The following FMN1 variants were observed in gnomAD, a reference collection of about 807,000 sequenced individuals.
The protein encoded by FMN1 is formin-1.
A neutral mutation model predicts 132.4 loss-of-function variants in FMN1; 110 were observed. That is an observed-to-expected ratio of 0.83 (90% CI 0.71 to 0.97). FMN1 has a LOEUF of 0.97. Ranked by LOEUF, FMN1 falls within the 50% of genes least tolerant of loss-of-function variation. FMN1 has a pLI of 0.00. For synonymous variants in FMN1, 722 were observed against 651.7 expected (o/e 1.11, Z -1.64); for missense variants, 1,792 against 1,705.3 (o/e 1.05, Z -0.90).
rs200619100 is a variant in FMN1, at chr15:32,968,811, C to T, written c.2890G>A (p.Gly964Ser). 6.3e-7 allele frequency: 1 copy of T among 1,588,744 alleles called. No individual in the cohort carries two copies. The highest frequency in any genetic ancestry group is 1.4e-5 in the African/African-American group (1 of 71,828). ...CGAGGACATTGACTGGAAGAAGAGC[C>T]AAGTCCAAAGAAGAGTCCAGGGGGA... is the stretch of plus-strand genomic sequence containing the variant. ...PPPPGLFFGLGSSSSQCPRKP... is the reference protein window; with the variant it reads ...PPPPGLFFGLSSSSSQCPRKP... Residue 964 changes from glycine (G) to serine (S), a missense_variant, in exon 8 of 21, where the codon GGC (glycine) becomes AGC (serine). Gly to Ser is a moderately conservative substitution (Grantham distance 56). Coordinates refer to ENST00000616417, the MANE Select transcript of FMN1 (RefSeq NM_001277313.2).
chr15:32,797,548 AT>A (rs1365119329), intron 19 of FMN1, among the ~76,000 whole-genome samples: 3 of 152,014 alleles, frequency 2.0e-5, no homozygotes, highest in East Asian at 3.9e-4. Context: ...GATTTTTAGG[AT>A]TTTTTTTCAT....
intron 7 of FMN1, among the ~76,000 whole-genome samples, chr15:32,995,141 A>G (rs117640239): frequency 0.013 from 2,005 of 152,196 alleles, 16 homozygotes; most frequent in Middle Eastern, 0.041. Context: ...ATTTCTTAAT[A>G]ATACTTCAAA....
intron 3 of FMN1, among the ~76,000 whole-genome samples, chr15:33,174,439 G>T (rs775936371): frequency 1.3e-5 from 2 of 151,934 alleles, no homozygotes; most frequent in Non-Finnish European, 1.5e-5. Flanking sequence ...CTTCAGAACC[G>T]CTTCCATTCT....
intron 9 of FMN1, among the ~76,000 whole-genome samples, chr15:32,959,018 G>C (rs1310130370): frequency 1.3e-5 from 2 of 149,012 alleles, no homozygotes; most frequent in Admixed American, 1.3e-4. Flanking sequence ...ACTCCAGCCT[G>C]GGCGACAACA....
intron 6 of FMN1, among the ~76,000 whole-genome samples, chr15:33,055,717 A>C (rs2141200832): frequency 6.6e-6 from 1 of 152,330 alleles, no homozygotes; most frequent in African/African-American, 2.4e-5. Context: ...TATTTTCATG[A>C]TTGGCTTAGA....
intron 5 of FMN1, among the ~76,000 whole-genome samples, chr15:33,087,810 T>TACATACAC (rs1458649594): frequency 1.6e-5 from 2 of 123,738 alleles, no homozygotes. Flanking sequence ...TATATACATA[T>TACATACAC]ACACATATAT....
chr15:32,910,138 G>C (rs1017661374), intron 11 of FMN1, among the ~76,000 whole-genome samples: 4 of 152,218 alleles, frequency 2.6e-5, no homozygotes, highest in African/African-American at 7.2e-5. Context: ...TTCTTCAGAA[G>C]TAGACACCAG....
intron 9 of FMN1, among the ~76,000 whole-genome samples, chr15:32,954,270 C>T (rs925064842): frequency 3.9e-5 from 6 of 152,322 alleles, no homozygotes; most frequent in Admixed American, 3.9e-4. Context: ...TTTCCTGAAC[C>T]CCCATGTACC....
intron 9 of FMN1, among the ~76,000 whole-genome samples, chr15:32,938,120 G>T (rs1250324991): frequency 1.3e-5 from 2 of 152,022 alleles, no homozygotes; most frequent in Non-Finnish European, 2.9e-5. Context: ...TGTGTAGCGT[G>T]TTTTTTTCAC....
At chr15:33,122,880 G>C (rs1399161367) in intron 4 of FMN1, among the ~76,000 whole-genome samples, 1 of 152,112 alleles carries the variant, frequency 6.6e-6, no homozygotes, top group Non-Finnish European at 1.5e-5. Context: ...ATCCAATCTT[G>C]ATAAAGCAAA....
chr15:33,127,601 C>A (rs1404223679), intron 4 of FMN1, among the ~76,000 whole-genome samples: 1 of 151,814 alleles, frequency 6.6e-6, no homozygotes, highest in Non-Finnish European at 1.5e-5. Context: ...AGCTAGTCAA[C>A]CAAGACAGAA....
intron 7 of FMN1, among the ~76,000 whole-genome samples, chr15:32,996,427 C>T (rs2033773464): frequency 6.6e-6 from 1 of 152,154 alleles, no homozygotes; most frequent in South Asian, 2.1e-4. Flanking sequence ...GCCATCACTC[C>T]TAAGGACAAA....
chr15:33,183,294 T>C (rs761709404), intron 2 of FMN1, among the ~76,000 whole-genome samples: 2 of 152,220 alleles, frequency 1.3e-5, no homozygotes, highest in African/African-American at 2.4e-5. Context: ...GATAGAACTT[T>C]TAATGCACTT....
chr15:33,000,312 A>G (rs1317590720), intron 7 of FMN1, among the ~76,000 whole-genome samples: 1 of 152,022 alleles, frequency 6.6e-6, no homozygotes, highest in East Asian at 1.9e-4. Context: ...AGCTGGGTGC[A>G]GTGGCGGCCG....
chr15:32,943,900 G>T (rs1008612711), intron 9 of FMN1, among the ~76,000 whole-genome samples: 2 of 152,206 alleles, frequency 1.3e-5, no homozygotes, highest in African/African-American at 4.8e-5. Flanking sequence ...TCCAAGAAGT[G>T]ATGCAAAACG....
At chr15:32,799,004 A>C in intron 18 of FMN1, 51 bp from the exon 19 acceptor site, 2 of 1,562,428 alleles carry the variant, frequency 1.3e-6, no homozygotes, top group Non-Finnish European at 1.7e-6. Flanking sequence ...AGAAATTGCC[A>C]ACACTAAAAT....
chr15:32,964,675 C>A (rs546315663), intron 8 of FMN1, among the ~76,000 whole-genome samples: 1 of 152,280 alleles, frequency 6.6e-6, no homozygotes, highest in East Asian at 1.9e-4. Context: ...CTGAAGGAGA[C>A]TGAAAATGGA....
At chr15:32,792,945 C>G (rs1180349166) in intron 19 of FMN1, among the ~76,000 whole-genome samples, 1 of 152,086 alleles carries the variant, frequency 6.6e-6, no homozygotes, top group Non-Finnish European at 1.5e-5. Context: ...TTGATTTTTC[C>G]TTTGTTTAAG....
At chr15:32,971,331 T>C (rs1296916156) in intron 7 of FMN1, among the ~76,000 whole-genome samples, 1 of 152,210 alleles carries the variant, frequency 6.6e-6, no homozygotes, top group African/African-American at 2.4e-5. Context: ...GCTACCTTTG[T>C]AGAGGGACAG....
Sources: allele counts gnomAD v4.1 joint callset (sites outside exome capture counted in the v4.1 genomes callset), GRCh38; gene constraint gnomAD v4.1.1; transcripts MANE v1.5; gene names NCBI Gene and HGNC (gene_info 2026-07-23, HGNC 2026-07-21).